The following LRP10 variants were observed in gnomAD, a reference collection of about 807,000 sequenced individuals.
The protein encoded by LRP10 is low-density lipoprotein receptor-related protein 10.
LRP10 carries 42 observed loss-of-function variants against 58.5 expected under a neutral mutation model. The observed-to-expected ratio is 0.72, with a 90% CI of 0.56 to 0.93. LRP10 has a LOEUF of 0.93. Ranked by LOEUF, LRP10 falls within the 40% of genes least tolerant of loss-of-function variation. The pLI is 0.00. For missense variants in LRP10, 872 were observed against 940.1 expected (o/e 0.93, Z 0.95); for synonymous variants, 377 against 388.5 (o/e 0.97, Z 0.35).
Position 22,875,653 on chromosome 14 carries a change from C to T in LRP10, c.705C>T (p.Arg235=), listed in dbSNP as rs138084618. 2.5e-6 allele frequency: 4 copies of T among 1,614,070 alleles called. No individual in the cohort carries two copies. In the African/African-American group the frequency reaches 5.3e-5, roughly 22 times the overall value. Residue 235 remains arginine, a synonymous_variant, in exon 5 of 7, where the codon CGC becomes CGT. Transcript: ENST00000359591. ...ATGATGGCCGGCGGCTGGCCGTGCG[C>T]TTCACAGCCCTGGACTTGGGCTTTG... ...DPHDGRRLAV[R]FTALDLGFGD...
Position 22,877,113 on chromosome 14 carries a change from T to C in LRP10, c.1728T>C (p.Ser576=). The part of the protein sequence containing the change: ...LPRTNTPARA[S]EARSQVTPSA... ...GAACCAACACCCCGGCTCGGGCCTCTGAGGCCAGATCCCAGGTCACACCTT... is the reference window on the plus strand; with the variant it reads ...GAACCAACACCCCGGCTCGGGCCTCCGAGGCCAGATCCCAGGTCACACCTT... Residue 576 remains serine (S), a synonymous_variant, in exon 7 of 7, where the codon TCT becomes TCC. Transcript: ENST00000359591. This position sits in a 1 kb window ranked among gnomAD's most constrained non-coding sequence, Gnocchi z 5.1. 1 of 1,613,260 alleles carries C rather than the reference T, an allele frequency of 6.2e-7. No homozygotes were observed. Among genetic ancestry groups the C allele is most frequent in the Middle Eastern group, 1.7e-4 (1 of 6,056 alleles).
In LRP10 at chr14:22,878,912, G is replaced by A. The variant is rs2040034442; in HGVS notation, c.*1385G>A. 3.7e-6 allele frequency: 1 copy of A among 270,090 alleles called. No individual in the cohort carries two copies. The highest frequency in any genetic ancestry group is 3.9e-5 in the Admixed American group (1 of 25,324). The allele number at this position is 270,090 out of a possible 1,614,324, so 16.7% of individuals were successfully genotyped here. A position where few individuals can be genotyped will look rare whatever the true frequency, so the allele number is the denominator to read the frequency against. On this transcript the variant is annotated 3_prime_UTR_variant, in exon 7 of 7. Coordinates refer to ENST00000359591, the MANE Select transcript of LRP10 (RefSeq NM_014045.5). ...ACAGAAGCTGCCCCAGAGTTTGGAA[G>A]GAAGATCGAGGCAGAAGATGTAGAA... is the stretch of plus-strand genomic sequence containing the variant.
At position 22,875,502 on chromosome 14, in the gene LRP10, G is replaced by T; in HGVS notation, c.554G>T (p.Arg185Ile). 1 of 1,614,202 alleles carries T rather than the reference G, an allele frequency of 6.2e-7. No homozygotes were observed. The highest frequency in any genetic ancestry group is 1.1e-5 in the South Asian group (1 of 91,088). The change falls in exon 5 of 7, where the codon AGA (arginine) becomes ATA (isoleucine). Residue 185 changes from arginine (R) to isoleucine (I), a missense_variant. Transcript: ENST00000359591. ...GACCCCTTCCCTGGCCTGACCCCAA[G>T]ACCCGTCCCCTCCCTGCCTTGCAAT... ...SSDPFPGLTPRPVPSLPCNVT... is the reference protein window; with the variant it reads ...SSDPFPGLTPIPVPSLPCNVT...
chr14:22,875,948 G>A lies in LRP10; in HGVS notation c.1000G>A (p.Glu334Lys). Residue 334 changes from glutamate to lysine, a missense_variant, in exon 5 of 7, where the codon GAG becomes AAG. Physicochemically the swap from Glu to Lys is moderately conservative, Grantham distance 56 (BLOSUM62 1). Coordinates refer to ENST00000359591, the MANE Select transcript of LRP10 (RefSeq NM_014045.5). ...GEGLGERCYS[E>K]AQRCDGSWDC... ...AGGCCTAGGTGAGCGCTGCTACAGT[G>A]AGGCACAGCGCTGTGACGGCTCATG... The A allele has an allele frequency of 6.2e-7, 1 of 1,613,718 alleles. No individual in the cohort carries two copies. Among genetic ancestry groups the A allele is most frequent in the Non-Finnish European group, 8.5e-7 (1 of 1,180,030 alleles).
chr14:22,875,753 A>C lies in LRP10; in HGVS notation c.805A>C (p.Ser269Arg). The change falls in exon 5 of 7, where the codon AGC becomes CGC. Residue 269 changes from serine to arginine, a missense_variant. Ser to Arg is a moderately radical substitution (Grantham distance 110). Transcript: ENST00000359591. ...ACTACTGCGTAGTCTCACCCACTTC[A>C]GCAATGGCAAGGCTGTCACTGTGGA... Reference protein sequence around the residue: ...SRLLRSLTHFSNGKAVTVETL... With the variant: ...SRLLRSLTHFRNGKAVTVETL... 6.2e-7 allele frequency: 1 copy of C among 1,614,044 alleles called. No individual in the cohort carries two copies. The highest frequency in any genetic ancestry group is 8.5e-7 in the Non-Finnish European group (1 of 1,179,914).
chr14:22,877,877 A>C lies in LRP10; in HGVS notation c.*350A>C, dbSNP rs2040025006. On this transcript the variant is annotated 3_prime_UTR_variant, in exon 7 of 7. Transcript: ENST00000359591. The surrounding 1 kb of genome is among the most constrained non-coding windows in gnomAD (Gnocchi z 5.1). ...TCCATCCTTGCCAAACCTCTACCCA[A>C]AAGTGGCCTTAAGCACCGGAATGCC... 1 of 186,276 alleles carries C rather than the reference A, an allele frequency of 5.4e-6. No individual in the cohort carries two copies. The highest frequency in any genetic ancestry group is 1.1e-5 in the Non-Finnish European group (1 of 90,766). 11.5% of individuals were successfully genotyped at this position (186,276 alleles called of 1,614,324 possible).
rs151223810 is a variant in LRP10 at position 22,877,727 on chromosome 14, C to T, written c.*200C>T. On this transcript the variant is annotated 3_prime_UTR_variant, in exon 7 of 7. Coordinates refer to ENST00000359591, the MANE Select transcript of LRP10 (RefSeq NM_014045.5). The surrounding 1 kb of genome is among the most constrained non-coding windows in gnomAD (Gnocchi z 5.1). ...CAGGCAGGGAGAGGGCTCACAGAGT[C>T]TCCTCTGTACGTGGCCATGGCCAGA... is the stretch of plus-strand genomic sequence containing the variant. 2.5e-3 allele frequency: 1,290 copies of T among 524,318 alleles called. 18 individuals are homozygous for T. In the East Asian group the frequency reaches 0.036, roughly 15 times the overall value. 32.5% of individuals were successfully genotyped at this position (524,318 alleles called of 1,614,324 possible). A position where few individuals can be genotyped will look rare whatever the true frequency, so the allele number is the denominator to read the frequency against.
chr14:22,879,157 C>T lies in LRP10; in HGVS notation c.*1630C>T, dbSNP rs747694689. ...CCTGTTGATTACACCCTGTCAGCCT[C>T]CTCAAACCCAGCACTAATTGCACAA... On this transcript the variant is annotated 3_prime_UTR_variant, in exon 7 of 7. Coordinates refer to ENST00000359591, the MANE Select transcript of LRP10 (RefSeq NM_014045.5). The T allele has an allele frequency of 8.5e-5, 39 of 456,522 alleles. No individual in the cohort carries two copies. The highest frequency in any genetic ancestry group is 1.5e-4 in the Non-Finnish European group (34 of 226,928). 28.3% of individuals were successfully genotyped at this position (456,522 alleles called of 1,614,324 possible).
At position 22,877,418 on chromosome 14, in the gene LRP10, C is replaced by T; in HGVS notation, c.2033C>T (p.Pro678Leu). The T allele has an allele frequency of 1.9e-6, 3 of 1,613,846 alleles. No homozygotes were observed. Among genetic ancestry groups the T allele is most frequent in the Non-Finnish European group, 2.5e-6 (3 of 1,179,938 alleles). Reference protein sequence around the residue: ...PPGPTRSPPGPHTAVLALEDE... With the variant: ...PPGPTRSPPGLHTAVLALEDE... The stretch of plus-strand genomic sequence containing the variant: ...GGACCAACCCGGAGCCCCCCTGGAC[C>T]CCACACAGCAGTCCTGGCCCTGGAA... The change falls in exon 7 of 7, where the codon CCC becomes CTC. Residue 678 changes from proline (P) to leucine (L), a missense_variant. Physicochemically the swap from Pro to Leu is moderately conservative, Grantham distance 98. Coordinates refer to ENST00000359591, the MANE Select transcript of LRP10 (RefSeq NM_014045.5). The surrounding 1 kb of genome is among the most constrained non-coding windows in gnomAD (Gnocchi z 5.1).
chr14:22,875,615 C>G lies in LRP10; in HGVS notation c.667C>G (p.Leu223Val). 1 of 1,614,192 alleles carries G rather than the reference C, an allele frequency of 6.2e-7. No individual in the cohort carries two copies. Among genetic ancestry groups the G allele is most frequent in the Non-Finnish European group, 8.5e-7 (1 of 1,180,046 alleles). ...CTCCCACCCCCAGTCCTGCCATTGG[C>G]TGCTGGACCCCCATGATGGCCGGCG... ...SVSHPQSCHW[L>V]LDPHDGRRLA... is the part of the protein sequence containing the mutation. The change falls in exon 5 of 7, where the codon CTG (leucine) becomes GTG (valine). Residue 223 changes from leucine (L) to valine (V), a missense_variant. Leu to Val is a conservative substitution (Grantham distance 32). Coordinates refer to ENST00000359591, the MANE Select transcript of LRP10 (RefSeq NM_014045.5).
At position 22,876,291 on chromosome 14, in the gene LRP10, G is replaced by C. The variant is rs981003328; in HGVS notation, c.1343G>C (p.Gly448Ala). 1 of 1,614,020 alleles carries C rather than the reference G, an allele frequency of 6.2e-7. No homozygotes were observed. Among genetic ancestry groups the C allele is most frequent in the Non-Finnish European group, 8.5e-7 (1 of 1,180,048 alleles). The change falls in exon 5 of 7, where the codon GGC becomes GCC. Residue 448 changes from glycine to alanine, a missense_variant. Gly to Ala is a moderately conservative substitution (Grantham distance 60). Transcript: ENST00000359591. ...PRKVITAAVI[G>A]SLVCGLLLVI... is the part of the protein sequence containing the mutation. ...AAGGTCATTACAGCTGCAGTCATTGGCAGCCTAGTGTGCGGCCTGCTCCTG... is the reference window on the plus strand; with the variant it reads ...AAGGTCATTACAGCTGCAGTCATTGCCAGCCTAGTGTGCGGCCTGCTCCTG...
At position 22,877,965 on chromosome 14, in the gene LRP10, T is replaced by C. The variant is rs2040025595; in HGVS notation, c.*438T>C. ...TTGGGCAGAACCTGAGGTTTTGCCA[T>C]CCACAATCCCTCCTACAGGGCCTGG... On this transcript the variant is annotated 3_prime_UTR_variant, in exon 7 of 7. Coordinates refer to ENST00000359591, the MANE Select transcript of LRP10 (RefSeq NM_014045.5). The surrounding 1 kb of genome is among the most constrained non-coding windows in gnomAD (Gnocchi z 5.1). 6.2e-6 allele frequency: 1 copy of C among 160,422 alleles called. No homozygotes were observed. The highest frequency in any genetic ancestry group is 2.4e-5 in the African/African-American group (1 of 41,800). 9.9% of individuals were successfully genotyped at this position (160,422 alleles called of 1,614,324 possible). A position where few individuals can be genotyped will look rare whatever the true frequency, so the allele number is the denominator to read the frequency against.
intron 2 of LRP10, 52 bp downstream of exon 2, chr14:22,872,834 T>A: frequency 6.4e-7 from 1 of 1,567,642 alleles, no homozygotes; most frequent in Non-Finnish European, 8.8e-7. Context: ...GAGGGAGCAG[T>A]CGAGAAGGAC....
chr14:22,876,403 G>A, intron 5 of LRP10, 31 bp downstream of exon 5: 1 of 1,607,430 alleles, frequency 6.2e-7, no homozygotes, highest in Middle Eastern at 1.9e-4. Context: ...CAGTAGAAGA[G>A]TAGACCCTGA....
At position 22,872,197 on chromosome 14, in the gene LRP10, CT is replaced by C. The variant is rs1322018849; in HGVS notation, c.-106del. On this transcript the variant is annotated 5_prime_UTR_variant, in exon 1 of 7. It removes the in-frame stop codon of an upstream open reading frame in the 5' UTR. Coordinates refer to ENST00000359591, the MANE Select transcript of LRP10 (RefSeq NM_014045.5). ...GTCGAGCCCGGGCCATGGAGCCCCCCTGGGGAGGCGGCACCAGGGAGCCTGG... is the reference window on the plus strand; with the variant it reads ...GTCGAGCCCGGGCCATGGAGCCCCCCGGGGAGGCGGCACCAGGGAGCCTGG... The C allele has an allele frequency of 1.7e-6, 2 of 1,183,786 alleles. No homozygotes were observed. Among genetic ancestry groups the C allele is most frequent in the Non-Finnish European group, 2.5e-6 (2 of 790,034 alleles). 73.3% of individuals were successfully genotyped at this position (1,183,786 alleles called of 1,614,324 possible). A position where few individuals can be genotyped will look rare whatever the true frequency, so the allele number is the denominator to read the frequency against.
chr14:22,875,527 T>C lies in LRP10; in HGVS notation c.579T>C (p.Asn193=), dbSNP rs148898725. Residue 193 remains asparagine, a synonymous_variant, in exon 5 of 7, where the codon AAT becomes AAC. Transcript: ENST00000359591. ...TPRPVPSLPC[N]VTLEDFYGVF... ...GACCCGTCCCCTCCCTGCCTTGCAA[T>C]GTCACCTTGGAGGACTTCTATGGGG... The C allele has an allele frequency of 1.2e-6, 2 of 1,614,184 alleles. No individual in the cohort carries two copies. The highest frequency in any genetic ancestry group is 1.1e-5 in the South Asian group (1 of 91,086).
rs1222378481 is a variant in LRP10 at position 22,875,395 on chromosome 14, C to T, written c.447C>T (p.Asn149=). 6.2e-7 allele frequency: 1 copy of T among 1,613,960 alleles called. No homozygotes were observed. Among genetic ancestry groups the T allele is most frequent in the Non-Finnish European group, 8.5e-7 (1 of 1,179,936 alleles). Residue 149 remains asparagine, a synonymous_variant, in exon 5 of 7, where the codon AAC becomes AAT. Transcript: ENST00000359591. ...TGCAGGAAGAGTTTCAGTGCCTGAA[C>T]CACCGCTGTGTATCTGCTGTCCAGC... ...MCLQEEFQCL[N]HRCVSAVQRC...
chr14:22,872,597 G>A, intron 1 of LRP10, 141 bp from the exon 2 acceptor site: 3 of 801,900 alleles, frequency 3.7e-6, no homozygotes, highest in Non-Finnish European at 6.0e-6. Flanking sequence ...GAAGTCCCAC[G>A]CCGCAGCCCT....
Position 22,875,907 on chromosome 14 carries a change from G to A in LRP10, c.959G>A (p.Gly320Asp). The change falls in exon 5 of 7, where the codon GGC becomes GAC. Residue 320 changes from glycine (G) to aspartate (D), a missense_variant. By Grantham distance (94) the Gly-to-Asp change is moderately conservative. Transcript: ENST00000359591. ...GACAGACCCTGTGGCTTAGGCTCTGGCCTGGGAGCTGGCGAAGGCCTAGGT... is the reference window on the plus strand; with the variant it reads ...GACAGACCCTGTGGCTTAGGCTCTGACCTGGGAGCTGGCGAAGGCCTAGGT... The part of the protein sequence containing the change: ...PWDRPCGLGS[G>D]LGAGEGLGER... 1 of 1,613,540 alleles carries A rather than the reference G, an allele frequency of 6.2e-7. No homozygotes were observed. Among genetic ancestry groups the A allele is most frequent in the South Asian group, 1.1e-5 (1 of 91,090 alleles).
Sources: allele counts gnomAD v4.1 joint callset, GRCh38; gene constraint gnomAD v4.1.1; non-coding constraint Gnocchi (gnomAD v3.1); transcripts MANE v1.5; gene names NCBI Gene and HGNC (gene_info 2026-07-23, HGNC 2026-07-21).